ERCC6: variants seen among roughly 807,000 people sequenced by gnomAD.
ERCC6 encodes the protein ERCC excision repair 6, chromatin remodeling factor.
A neutral mutation model predicts 158.7 loss-of-function variants in ERCC6; 116 were observed. The observed-to-expected ratio is 0.73, with a 90% confidence interval of 0.63 to 0.85. The LOEUF (loss-of-function observed/expected upper bound fraction) is 0.85. Among genes scored for constraint, ERCC6 ranks in the 40% least tolerant of loss-of-function variants. The pLI is 0.00. For missense variants in ERCC6, 1,698 were observed against 1,799.4 expected (o/e 0.94, Z 1.02); for synonymous variants, 678 against 659.3 (o/e 1.03, Z -0.43).
intron 3 of ERCC6, among the ~76,000 whole-genome samples, chr10:49,529,691 C>CCCTGGA (rs1165296844): frequency 6.6e-6 from 1 of 152,006 alleles, no homozygotes; most frequent in East Asian, 1.9e-4. Flanking sequence ...ACAGCCCTGC[C>CCCTGGA]CCTGGAGAGC....
At chr10:49,484,295 A>G (rs1564424290) in intron 8 of ERCC6, among the ~76,000 whole-genome samples, 1 of 151,710 alleles carries the variant, frequency 6.6e-6, no homozygotes, top group Non-Finnish European at 1.5e-5. Context: ...AAAAAAAGAA[A>G]AAAAAAAAAA....
downstream of ERCC6, among the ~76,000 whole-genome samples, chr10:49,450,107 G>A (rs1850404720): frequency 6.6e-6 from 1 of 152,188 alleles, no homozygotes; most frequent in East Asian, 1.9e-4. Context: ...CTGGACTCAA[G>A]CAATCTGCCC....
the ERCC6 span, among the ~76,000 whole-genome samples, chr10:49,442,110 G>A: frequency 6.6e-6 from 1 of 152,196 alleles, no homozygotes; most frequent in African/African-American, 2.4e-5. Flanking sequence ...AAGCTGAATC[G>A]CCAGAACTGC....
At chr10:49,489,782 G>A (rs1851140339) in intron 8 of ERCC6, among the ~76,000 whole-genome samples, 1 of 152,174 alleles carries the variant, frequency 6.6e-6, no homozygotes, top group African/African-American at 2.4e-5. Flanking sequence ...ACAAGACAGT[G>A]CTAAAGATGT....
rs778904927 is a variant in ERCC6 at position 49,500,680 on chromosome 10, CA to C, written c.1542del (p.Val515LeufsTer28). ...FKKLFKYQQT[G>X]VRWLWELHCQ... ...CAGTGCAATTCCCACAGCCACCTAA[CA>C]CCTGTCTGCTGGTACCTATGACAAC... is the stretch of plus-strand genomic sequence containing the variant. On this transcript the variant is annotated frameshift_variant, in exon 7 of 21. Coordinates refer to ENST00000355832, the MANE Select transcript of ERCC6 (RefSeq NM_000124.4). LOFTEE classifies it high-confidence loss of function. The C allele has an allele frequency of 6.2e-7, 1 of 1,613,842 alleles. No individual in the cohort carries two copies.
At chr10:49,500,175 A>G (rs891757405) in intron 7 of ERCC6, among the ~76,000 whole-genome samples, 4 of 152,226 alleles carry the variant, frequency 2.6e-5, no homozygotes, top group Admixed American at 2.0e-4. Flanking sequence ...TAAAGGTATT[A>G]TGTCTAATTT....
chr10:49,486,671 T>C (rs953944921), intron 8 of ERCC6, among the ~76,000 whole-genome samples: 2 of 152,164 alleles, frequency 1.3e-5, no homozygotes, highest in African/African-American at 2.4e-5. Flanking sequence ...AAAAAGTTCG[T>C]TGCAAAAATG....
At chr10:49,514,496 T>C (rs1025049898) in intron 5 of ERCC6, among the ~76,000 whole-genome samples, 1 of 152,224 alleles carries the variant, frequency 6.6e-6, no homozygotes, top group Non-Finnish European at 1.5e-5. Flanking sequence ...GGAGGTCACC[T>C]ACCGTGGTGC....
chr10:49,473,346 G>GTC (rs1850815216), intron 14 of ERCC6, 131 bp downstream of exon 14: 2 of 785,614 alleles, frequency 2.5e-6, no homozygotes, highest in Non-Finnish European at 4.6e-6. Context: ...AAAACAACAA[G>GTC]TCTCCCCTTA....
At chr10:49,507,501 T>C (rs1851463918) in intron 5 of ERCC6, among the ~76,000 whole-genome samples, 1 of 152,186 alleles carries the variant, frequency 6.6e-6, no homozygotes, top group Admixed American at 6.5e-5. Context: ...AATCTCTTCT[T>C]CTCCACTGGT....
At chr10:49,538,368 C>T (rs1837652328) in intron 1 of ERCC6, among the ~76,000 whole-genome samples, 1 of 152,224 alleles carries the variant, frequency 6.6e-6, no homozygotes, top group Admixed American at 6.5e-5. Flanking sequence ...CTGATGATGG[C>T]ATGACCTACT....
intron 5 of ERCC6, chr10:49,516,327 T>C: frequency 6.2e-7 from 1 of 1,614,160 alleles, no homozygotes; most frequent in Non-Finnish European, 8.5e-7. Context: ...ATATGTTTCA[T>C]TTGGAACAAA....
At chr10:49,502,609 T>C (rs552658415) in intron 6 of ERCC6, 1 of 152,118 alleles carries the variant, frequency 6.6e-6, no homozygotes, top group Admixed American at 6.6e-5. Flanking sequence ...TAGAAAAAAA[T>C]GAGCAAGCCA....
intron 18 of ERCC6, among the ~76,000 whole-genome samples, chr10:49,469,503 C>A: frequency 6.6e-6 from 1 of 151,646 alleles, no homozygotes. Flanking sequence ...TTTTTGAGAC[C>A]CAACTGATTT....
downstream of ERCC6, among the ~76,000 whole-genome samples, chr10:49,450,040 C>A (rs1850404291): frequency 6.6e-6 from 1 of 152,010 alleles, no homozygotes; most frequent in Non-Finnish European, 1.5e-5. Flanking sequence ...GACCAGCTAA[C>A]TTGTTTTTTC....
Position 49,482,882 on chromosome 10 carries a change from C to T in ERCC6, c.1993-19G>A. On this transcript the variant is annotated intron_variant, in intron 9 of 20. Transcript: ENST00000355832. ...TGCGAAACTATTTGAGGAAAGGAAG[C>T]ACCTTTTTATTAAATTTACCTTTTA... The T allele has an allele frequency of 1.2e-6, 2 of 1,613,952 alleles. No homozygotes were observed. The highest frequency in any genetic ancestry group is 2.2e-5 in the East Asian group (1 of 44,858).
chr10:49,452,900 A>G (rs1254008329), downstream of ERCC6, among the ~76,000 whole-genome samples: 2 of 152,198 alleles, frequency 1.3e-5, no homozygotes, highest in Middle Eastern at 3.4e-3. Context: ...TCTTATGGCA[A>G]TTGTTTGCAC....
chr10:49,523,722 C>T (rs887766929), intron 5 of ERCC6, among the ~76,000 whole-genome samples: 2 of 152,060 alleles, frequency 1.3e-5, no homozygotes, highest in Admixed American at 6.5e-5. Context: ...GGGTGACTGT[C>T]GGTATAAAGG....
intron 7 of ERCC6, among the ~76,000 whole-genome samples, chr10:49,497,393 A>C (rs879482705): frequency 9.9e-5 from 15 of 152,252 alleles, no homozygotes; most frequent in Non-Finnish European, 2.2e-4. Flanking sequence ...AAACACATGC[A>C]TATGTTTTTT....
Sources: gnomAD v4.1 joint callset for allele counts (sites outside exome capture counted in the v4.1 genomes callset) on GRCh38, gnomAD v4.1.1 for gene constraint, MANE v1.5 for transcripts, NCBI Gene and HGNC (gene_info 2026-07-23, HGNC 2026-07-21) for gene names.